RSPH14: variants seen among roughly 807,000 people sequenced by gnomAD.
The protein encoded by RSPH14 is radial spoke head 14 homolog, also known as rhabdoid tumor deletion region gene 1.
Under a neutral mutation model 26.7 loss-of-function variants are expected in RSPH14, and 20 were observed. The ratio of observed to expected loss-of-function variants is 0.75; its 90% CI spans 0.53 to 1.09. The LOEUF (loss-of-function observed/expected upper bound fraction) is 1.09, where lower values mean the gene tolerates loss of function less well. Ranked by LOEUF, RSPH14 falls within the 50% of genes least tolerant of loss-of-function variation. The probability of loss-of-function intolerance (pLI) is 0.00; values close to 1 mark genes in which losing one functional copy is unlikely to be tolerated. For missense variants in RSPH14, 449 were observed against 457.2 expected (o/e 0.98, Z 0.16); for synonymous variants, 177 against 189.3 (o/e 0.93, Z 0.53).
chr22:23,170,419 A>G, the RSPH14 span, among the ~76,000 whole-genome samples: 2 of 152,202 alleles, frequency 1.3e-5, no homozygotes, highest in Non-Finnish European at 2.9e-5. Flanking sequence ...CATAGCAAAA[A>G]GAATTTGAGA....
intron 4 of RSPH14, among the ~76,000 whole-genome samples, chr22:23,130,888 C>A (rs976073567): frequency 1.3e-5 from 2 of 152,248 alleles, no homozygotes; most frequent in African/African-American, 4.8e-5. Flanking sequence ...CTCTGGAGGC[C>A]AGAGGCTGGG....
At chr22:23,136,120 T>A (rs1040863359) in intron 3 of RSPH14, 2 of 611,264 alleles carry the variant, frequency 3.3e-6, no homozygotes, top group Non-Finnish European at 6.0e-6. Flanking sequence ...GGTCCGTGTC[T>A]AGTCACCCAC....
intron 4 of RSPH14, among the ~76,000 whole-genome samples, chr22:23,115,238 C>T (rs1430477200): frequency 6.6e-6 from 1 of 152,176 alleles, no homozygotes. Context: ...CCCAATACAA[C>T]ACAGTCCGGG....
At chr22:23,178,820 C>G in the RSPH14 span, among the ~76,000 whole-genome samples, 2 of 152,178 alleles carry the variant, frequency 1.3e-5, no homozygotes, top group Non-Finnish European at 2.9e-5. Context: ...CATTTTGTAC[C>G]GTGGCCCACA....
At chr22:23,130,089 A>G (rs1356779113) in intron 4 of RSPH14, among the ~76,000 whole-genome samples, 1 of 19,088 alleles carries the variant, frequency 5.2e-5, no homozygotes, top group Non-Finnish European at 1.6e-4. Context: ...GAAAGGAAGA[A>G]AGAAAGAAAG....
At chr22:23,145,895 GA>G, upstream of RSPH14, 4 of 837,394 alleles carry the variant, frequency 4.8e-6, no homozygotes, top group Non-Finnish European at 5.8e-6. Flanking sequence ...GGTTTTCAGG[GA>G]AAAGGCCTAG....
At chr22:23,114,153 C>T (rs1387496667) in intron 4 of RSPH14, among the ~76,000 whole-genome samples, 1 of 152,240 alleles carries the variant, frequency 6.6e-6, no homozygotes, top group Non-Finnish European at 1.5e-5. Flanking sequence ...GGCCTGGTGG[C>T]TCAGCTGCAG....
At chr22:23,067,823 C>A (rs191487313) in intron 4 of RSPH14, among the ~76,000 whole-genome samples, 1 of 152,250 alleles carries the variant, frequency 6.6e-6, no homozygotes, top group East Asian at 1.9e-4. Flanking sequence ...TCTTGGTCTC[C>A]CTGCCATCTC....
intron 4 of RSPH14, among the ~76,000 whole-genome samples, chr22:23,109,320 TG>T (rs1324397630): frequency 1.3e-5 from 2 of 151,412 alleles, no homozygotes; most frequent in Non-Finnish European, 2.9e-5. Context: ...GAGGCCAGGG[TG>T]GGCCTGCCCT....
At chr22:23,175,985 G>C in the RSPH14 span, among the ~76,000 whole-genome samples, 1 of 152,214 alleles carries the variant, frequency 6.6e-6, no homozygotes, top group Admixed American at 6.5e-5. Flanking sequence ...CCCTAGTCCA[G>C]TAACTGTCCC....
At chr22:23,095,635 G>A in intron 4 of RSPH14, 1 of 1,536,498 alleles carries the variant, frequency 6.5e-7, no homozygotes, top group Non-Finnish European at 8.7e-7. Context: ...AGTGTCCCCT[G>A]TGGCAAGAGG....
the RSPH14 span, among the ~76,000 whole-genome samples, chr22:23,166,147 TAAAAAAAAAAA>T: frequency 4.0e-4 from 24 of 59,888 alleles, no homozygotes; most frequent in African/African-American, 8.5e-4. Context: ...CTCTGTCTTT[TAAAAAAAAAAA>T]AAAAAAAAAA....
intron 4 of RSPH14, among the ~76,000 whole-genome samples, chr22:23,111,803 A>G (rs1015237942): frequency 6.6e-6 from 1 of 152,166 alleles, no homozygotes; most frequent in Admixed American, 6.5e-5. Context: ...TTTGGACTTA[A>G]CCCTGTTTGT....
At chr22:23,171,046 C>T in the RSPH14 span, among the ~76,000 whole-genome samples, 18 of 152,170 alleles carry the variant, frequency 1.2e-4, no homozygotes, top group South Asian at 2.1e-4. Flanking sequence ...TGGCTCACTG[C>T]GGCCTCTGCC....
intron 4 of RSPH14, among the ~76,000 whole-genome samples, chr22:23,088,795 C>T (rs754454954): frequency 2.0e-5 from 3 of 152,128 alleles, no homozygotes; most frequent in Middle Eastern, 3.2e-3. Flanking sequence ...GCCCATCGGG[C>T]ATTAGGGGTG....
At chr22:23,165,502 G>A in the RSPH14 span, among the ~76,000 whole-genome samples, 26 of 152,228 alleles carry the variant, frequency 1.7e-4, no homozygotes, top group Non-Finnish European at 2.6e-4. Context: ...GGGCAGAACT[G>A]AACAGGTCTC....
Position 23,063,935 on chromosome 22 carries a change from C to A in RSPH14, c.620G>T (p.Arg207Leu). Residue 207 changes from arginine to leucine, a missense_variant, in exon 5 of 7, where the codon CGC (arginine) becomes CTC (leucine). By Grantham distance (102) the Arg-to-Leu change is moderately radical. Transcript: ENST00000216036. The part of the protein sequence containing the change: ...QKLLSANQNI[R>L]SKAARALLNV... ...AAGGAGCGCACGGGCGGCCTTGCTG[C>A]GGATGTTCTGGTTGGCGCTGAGGAG... The A allele has an allele frequency of 3.1e-6, 5 of 1,614,152 alleles. No individual in the cohort carries two copies. The highest frequency in any genetic ancestry group is 3.4e-6 in the Non-Finnish European group (4 of 1,180,014).
the RSPH14 span, among the ~76,000 whole-genome samples, chr22:23,156,619 C>T: frequency 2.0e-5 from 3 of 152,228 alleles, no homozygotes; most frequent in Non-Finnish European, 4.4e-5. Flanking sequence ...GTGAGAGAAC[C>T]TCAAAAGTAT....
the RSPH14 span, among the ~76,000 whole-genome samples, chr22:23,174,977 GAAAAA>G: frequency 6.8e-6 from 1 of 147,854 alleles, no homozygotes; most frequent in African/African-American, 2.5e-5. Flanking sequence ...CAAAAAAAAA[GAAAAA>G]AAGATTGTAA....
Sources: gnomAD v4.1 joint callset for allele counts (sites outside exome capture counted in the v4.1 genomes callset) on GRCh38, gnomAD v4.1.1 for gene constraint, MANE v1.5 for transcripts, NCBI Gene and HGNC (gene_info 2026-07-23, HGNC 2026-07-21) for gene names.